The following GNPNAT1 variants were observed in gnomAD, a reference collection of about 807,000 sequenced individuals.
GNPNAT1 encodes the protein glucosamine-phosphate N-acetyltransferase 1.
In GNPNAT1, 11 loss-of-function variants were observed where a neutral mutation model predicts 19.8. That is an observed-to-expected ratio of 0.56 (90% CI 0.35 to 0.92). The LOEUF (loss-of-function observed/expected upper bound fraction) is 0.92. Among genes scored for constraint, GNPNAT1 ranks in the 40% least tolerant of loss-of-function variants. The pLI is 0.01. For missense variants in GNPNAT1, 157 were observed against 211.0 expected (o/e 0.74, Z 1.59); for synonymous variants, 71 against 72.3 (o/e 0.98, Z 0.09).
At position 52,775,581 on chromosome 14, in the gene GNPNAT1, C is replaced by A. The variant is rs1882684770; in HGVS notation, c.*2730G>T. 6.6e-6 allele frequency: 1 copy of A among 152,144 alleles called. No homozygotes were observed. Among genetic ancestry groups the A allele is most frequent in the Non-Finnish European group, 1.5e-5 (1 of 68,042 alleles). 9.4% of individuals were successfully genotyped at this position (152,144 alleles called of 1,614,324 possible). ...TAAGTACCACCTCATTATACCTTTT[C>A]ACAAGCAAATAGTGGCCAAAGATGT... is the stretch of plus-strand genomic sequence containing the variant. On this transcript the variant is annotated 3_prime_UTR_variant, in exon 6 of 6. Coordinates refer to ENST00000216410, the MANE Select transcript of GNPNAT1 (RefSeq NM_198066.4).
chr14:52,786,601 C>G (rs1264271197), intron 1 of GNPNAT1, among the ~76,000 whole-genome samples: 1 of 152,110 alleles, frequency 6.6e-6, no homozygotes, highest in African/African-American at 2.4e-5. Context: ...GAAAAGTGAT[C>G]ATGATATTTC....
At chr14:52,784,095 G>A (rs149491407) in intron 2 of GNPNAT1, among the ~76,000 whole-genome samples, 96 of 152,288 alleles carry the variant, frequency 6.3e-4, no homozygotes, top group African/African-American at 2.3e-3. Flanking sequence ...GTTTAAGGAA[G>A]TTAACTTGGA....
intron 1 of GNPNAT1, among the ~76,000 whole-genome samples, chr14:52,788,645 T>C (rs1048428427): frequency 1.3e-5 from 2 of 152,214 alleles, no homozygotes; most frequent in Non-Finnish European, 2.9e-5. Flanking sequence ...ATTTAAACAT[T>C]TTGGTCTTGC....
At chr14:52,780,568 G>A (rs926479830) in intron 5 of GNPNAT1, 111 bp downstream of exon 5, 2 of 706,358 alleles carry the variant, frequency 2.8e-6, no homozygotes, top group Admixed American at 4.4e-5. Flanking sequence ...CTATTAGAGT[G>A]AGAATAAGTT....
rs1366785345 is a variant in GNPNAT1 at position 52,791,045 on chromosome 14, T to C, written c.-15+383A>G. 1.3e-5 allele frequency among the ~76,000 whole-genome samples: 2 copies of C among 152,110 alleles called. No homozygotes were observed. Among genetic ancestry groups the C allele is most frequent in the African/African-American group, 4.8e-5 (2 of 41,412 alleles). On this transcript the variant is annotated intron_variant, in intron 1 of 5. Coordinates refer to ENST00000216410, the MANE Select transcript of GNPNAT1 (RefSeq NM_198066.4). The surrounding 1 kb of genome is among the most constrained non-coding windows in gnomAD (Gnocchi z 4.1). Reference sequence around the variant, plus strand: ...CGGGAATGGGAGAAGAGAAGGGGCCTGGGACGTTCGTGCCCATTCAAAACC... The same window carrying C: ...CGGGAATGGGAGAAGAGAAGGGGCCCGGGACGTTCGTGCCCATTCAAAACC...
rs1015953570 is a variant in GNPNAT1, at chr14:52,777,125, G to A, written c.*1186C>T. The A allele has an allele frequency of 2.6e-5, 4 of 152,338 alleles. No individual in the cohort carries two copies. The highest frequency in any genetic ancestry group is 4.4e-5 in the Non-Finnish European group (3 of 68,036). 9.4% of individuals were successfully genotyped at this position (152,338 alleles called of 1,614,324 possible). A position where few individuals can be genotyped will look rare whatever the true frequency, so the allele number is the denominator to read the frequency against. ...ATGACGTGGTGTGAGTCAATGGGAT[G>A]AGAAACACTGGTATTTTCTTTACAA... On this transcript the variant is annotated 3_prime_UTR_variant, in exon 6 of 6. Coordinates refer to ENST00000216410, the MANE Select transcript of GNPNAT1 (RefSeq NM_198066.4).
At chr14:52,780,149 A>G (rs549451481) in intron 5 of GNPNAT1, among the ~76,000 whole-genome samples, 49 of 152,210 alleles carry the variant, frequency 3.2e-4, no homozygotes, top group Non-Finnish European at 6.0e-4. Flanking sequence ...TGGGTGACAG[A>G]GCTGTCAAAA....
Position 52,777,529 on chromosome 14 carries a change from CAG to C in GNPNAT1, c.*780_*781del, listed in dbSNP as rs1030083148. On this transcript the variant is annotated 3_prime_UTR_variant, in exon 6 of 6. Coordinates refer to ENST00000216410, the MANE Select transcript of GNPNAT1 (RefSeq NM_198066.4). ...CAGATACCCATGAAAAGAAAAAAAT[CAG>C]GGTAGAAACACATAGGCTGAGGTTT... 1.3e-5 allele frequency: 2 copies of C among 151,998 alleles called. No individual in the cohort carries two copies. The highest frequency in any genetic ancestry group is 1.3e-4 in the Admixed American group (2 of 15,254). 9.4% of individuals were successfully genotyped at this position (151,998 alleles called of 1,614,324 possible). A position where few individuals can be genotyped will look rare whatever the true frequency, so the allele number is the denominator to read the frequency against.
intron 1 of GNPNAT1, among the ~76,000 whole-genome samples, chr14:52,786,292 G>T (rs1253715140): frequency 6.6e-6 from 1 of 151,700 alleles, no homozygotes; most frequent in Non-Finnish European, 1.5e-5. Context: ...ATCACCAGAG[G>T]TCAGGAGGTC....
chr14:52,787,784 C>T (rs1883057145), intron 1 of GNPNAT1: 1 of 151,998 alleles, frequency 6.6e-6, no homozygotes, highest in South Asian at 2.1e-4. Flanking sequence ...TGCTAGTTAG[C>T]AATAAATTTA....
Position 52,778,017 on chromosome 14 carries a change from CA to C in GNPNAT1, c.*293del, listed in dbSNP as rs1478529567. The C allele has an allele frequency of 5.2e-6, 1 of 191,960 alleles. No homozygotes were observed. Among genetic ancestry groups the C allele is most frequent in the African/African-American group, 2.3e-5 (1 of 42,676 alleles). 11.9% of individuals were successfully genotyped at this position (191,960 alleles called of 1,614,324 possible). The stretch of plus-strand genomic sequence containing the variant: ...CCTTATTACCCATACTCTTGACTAC[CA>C]AGAAAGGAAGCCAAACTTTTAGAAA... On this transcript the variant is annotated 3_prime_UTR_variant, in exon 6 of 6. Transcript: ENST00000216410.
At chr14:52,778,514 T>C (rs1427825723) in intron 5 of GNPNAT1, 56 bp from the exon 6 acceptor site, 13 of 1,425,866 alleles carry the variant, frequency 9.1e-6, no homozygotes, top group African/African-American at 5.9e-5. Context: ...TAAAAATTGA[T>C]TCTAGTAACA....
At chr14:52,779,181 T>G (rs1431148186) in intron 5 of GNPNAT1, among the ~76,000 whole-genome samples, 3 of 152,234 alleles carry the variant, frequency 2.0e-5, no homozygotes. Context: ...AGCTTTGCTC[T>G]TTAATCATTT....
At chr14:52,779,746 A>AAC (rs1555361273) in intron 5 of GNPNAT1, among the ~76,000 whole-genome samples, 10 of 151,206 alleles carry the variant, frequency 6.6e-5, no homozygotes, top group South Asian at 4.2e-4. Context: ...AAAAAAAAAA[A>AAC]AAAACATAAA....
intron 1 of GNPNAT1, among the ~76,000 whole-genome samples, chr14:52,790,960 G>C (rs1209548238): frequency 6.6e-6 from 1 of 152,164 alleles, no homozygotes; most frequent in Non-Finnish European, 1.5e-5. Context: ...CGACCTACTC[G>C]GTGCGGAGGT....
Position 52,791,262 on chromosome 14 carries a change from T to C in GNPNAT1, c.-15+166A>G, listed in dbSNP as rs748768237. On this transcript the variant is annotated intron_variant, in intron 1 of 5. Transcript: ENST00000216410. The surrounding 1 kb of genome is among the most constrained non-coding windows in gnomAD (Gnocchi z 4.1). Reference sequence around the variant, plus strand: ...TTCCTGGGAACCGCGCTCCACACCATGTGCACCCAGCTGGCGAGGATTAAC... The same window carrying C: ...TTCCTGGGAACCGCGCTCCACACCACGTGCACCCAGCTGGCGAGGATTAAC... 2.0e-5 allele frequency among the ~76,000 whole-genome samples: 3 copies of C among 152,130 alleles called. No homozygotes were observed. The highest frequency in any genetic ancestry group is 2.9e-5 in the Non-Finnish European group (2 of 67,976).
At chr14:52,785,916 TTTTTTTGTA>T in intron 1 of GNPNAT1, among the ~76,000 whole-genome samples, 1 of 150,786 alleles carries the variant, frequency 6.6e-6, no homozygotes, top group East Asian at 2.2e-4. Flanking sequence ...CCCAGCTAGT[TTTTTTTGTA>T]TTTTTAGTAG....
chr14:52,781,907 A>C lies in GNPNAT1; in HGVS notation c.222T>G (p.Ser74=). 6.2e-7 allele frequency: 1 copy of C among 1,605,396 alleles called. No homozygotes were observed. The highest frequency in any genetic ancestry group is 8.5e-7 in the Non-Finnish European group (1 of 1,177,026). Residue 74 remains serine (S), a synonymous_variant, in exon 4 of 6, where the codon TCT becomes TCG. Coordinates refer to ENST00000216410, the MANE Select transcript of GNPNAT1 (RefSeq NM_198066.4). ...CCCCAGATTTCTTCATATGCTCAAAAGATTCTGTGGAAATTGGATAACAAA... is the reference window on the plus strand; with the variant it reads ...CCCCAGATTTCTTCATATGCTCAAACGATTCTGTGGAAATTGGATAACAAA... ...GVVSPEQFMK[S]FEHMKKSGDY...
chr14:52,782,680 A>AAAAG (rs1409716007), intron 3 of GNPNAT1, among the ~76,000 whole-genome samples: 3 of 107,032 alleles, frequency 2.8e-5, no homozygotes, highest in South Asian at 6.5e-4. Flanking sequence ...TAAAATGGGA[A>AAAAG]AAAGAAATTC....
Sources: gnomAD v4.1 joint callset for allele counts (sites outside exome capture counted in the v4.1 genomes callset) on GRCh38, gnomAD v4.1.1 for gene constraint, Gnocchi (gnomAD v3.1) non-coding constraint, MANE v1.5 for transcripts, NCBI Gene and HGNC (gene_info 2026-07-23, HGNC 2026-07-21) for gene names.